ZNF385D: variants seen among roughly 807,000 people sequenced by gnomAD.
ZNF385D encodes zinc finger protein 385D.
ZNF385D carries 15 observed loss-of-function variants against 35.8 expected under a neutral mutation model. That is an observed-to-expected ratio of 0.42 (90% CI 0.28 to 0.64). The LOEUF is 0.64. ZNF385D is among the 30% of genes least tolerant of loss of function. ZNF385D has a pLI of 0.23. For missense variants in ZNF385D, 474 were observed against 494.6 expected, an observed-to-expected ratio of 0.96 and a Z score of 0.39; for synonymous variants, 212 against 186.8, an observed-to-expected ratio of 1.13 and a Z score of -1.10.
rs557339793 is a variant in ZNF385D at position 21,832,472 on chromosome 3, A to G, written c.326-167444T>C. On this transcript the variant is annotated intron_variant, in intron 3 of 5. Coordinates refer to the ZNF385D transcript ENST00000494108. ...AGCTAATAGGGTGTCATACATTCTCATGGATCAGCAAAGCAGGTGCTTCCT... is the reference window on the plus strand; with the variant it reads ...AGCTAATAGGGTGTCATACATTCTCGTGGATCAGCAAAGCAGGTGCTTCCT... Among the ~76,000 whole-genome samples the G allele has an allele frequency of 4.6e-5, 7 of 152,278 alleles. No individual in the cohort carries two copies. The South Asian group carries it at 8.3e-4, about 18-fold the overall frequency.
At chr3:22,128,667 C>T (rs972184643) in intron 3 of ZNF385D, among the ~76,000 whole-genome samples, 2 of 152,084 alleles carry the variant, frequency 1.3e-5, no homozygotes, top group African/African-American at 4.8e-5. Flanking sequence ...GACTCTGTTG[C>T]ATTCTTCAAT....
At chr3:21,661,548 A>C (rs563091886) in intron 2 of ZNF385D, among the ~76,000 whole-genome samples, 1 of 152,286 alleles carries the variant, frequency 6.6e-6, no homozygotes, top group South Asian at 2.1e-4. Context: ...CAAGAAATAC[A>C]AATTCAGAAG....
intron 3 of ZNF385D, among the ~76,000 whole-genome samples, chr3:21,530,106 C>T (rs1438251993): frequency 6.6e-6 from 1 of 152,100 alleles, no homozygotes; most frequent in East Asian, 1.9e-4. Flanking sequence ...CTCTCTCTCA[C>T]TTCCTCTCTT....
chr3:21,773,669 C>A (rs1318693815), intron 3 of ZNF385D, among the ~76,000 whole-genome samples: 1 of 151,680 alleles, frequency 6.6e-6, no homozygotes, highest in Non-Finnish European at 1.5e-5. Flanking sequence ...CATATGTTAA[C>A]AAGCCCACCA....
At chr3:22,030,057 G>C (rs1477506582) in intron 3 of ZNF385D, among the ~76,000 whole-genome samples, 6 of 151,008 alleles carry the variant, frequency 4.0e-5, no homozygotes, top group African/African-American at 1.5e-4. Flanking sequence ...AAAGCATGCA[G>C]AAAAAAACAT....
intron 2 of ZNF385D, among the ~76,000 whole-genome samples, chr3:21,571,440 A>G (rs1218502242): frequency 6.6e-6 from 1 of 152,206 alleles, no homozygotes; most frequent in African/African-American, 2.4e-5. Flanking sequence ...TGGATATAGT[A>G]GTCATTTATC....
intron 3 of ZNF385D, among the ~76,000 whole-genome samples, chr3:21,933,736 G>T (rs1289731222): frequency 6.6e-6 from 1 of 152,068 alleles, no homozygotes; most frequent in Non-Finnish European, 1.5e-5. Flanking sequence ...AAATCTTATT[G>T]AGAAAGTCAA....
intron 2 of ZNF385D, among the ~76,000 whole-genome samples, chr3:22,175,371 T>G (rs1385170428): frequency 6.6e-6 from 1 of 151,980 alleles, no homozygotes; most frequent in Non-Finnish European, 1.5e-5. Context: ...TAGATACTGC[T>G]TACTTGGAAT....
intron 2 of ZNF385D, among the ~76,000 whole-genome samples, chr3:22,350,795 A>G (rs1695881459): frequency 6.6e-6 from 1 of 152,126 alleles, no homozygotes; most frequent in Non-Finnish European, 1.5e-5. Context: ...GTGGCACTAA[A>G]ACCATAGCTA....
intron 3 of ZNF385D, among the ~76,000 whole-genome samples, chr3:21,757,477 A>T (rs971113162): frequency 6.6e-6 from 1 of 152,118 alleles, no homozygotes; most frequent in African/African-American, 2.4e-5. Flanking sequence ...TTCTAATTTG[A>T]TAGACAGCTA....
intron 2 of ZNF385D, among the ~76,000 whole-genome samples, chr3:22,277,404 A>T (rs986015512): frequency 6.6e-5 from 10 of 152,172 alleles, no homozygotes; most frequent in African/African-American, 2.4e-4. Flanking sequence ...CTAGAAAATC[A>T]TAAAGGCAAC....
chr3:21,720,724 G>C (rs979260212), intron 1 of ZNF385D, among the ~76,000 whole-genome samples: 9 of 152,294 alleles, frequency 5.9e-5, no homozygotes, highest in Admixed American at 4.6e-4. Context: ...TTTTCTTTCT[G>C]TGTAGCTATA....
chr3:21,963,383 G>A (rs17583756), intron 3 of ZNF385D, among the ~76,000 whole-genome samples: 2 of 152,178 alleles, frequency 1.3e-5, no homozygotes, highest in South Asian at 2.1e-4. Flanking sequence ...ACGTAGAACC[G>A]CAGTAGCGTG....
At chr3:21,990,085 T>C (rs1695067424) in intron 3 of ZNF385D, among the ~76,000 whole-genome samples, 1 of 152,216 alleles carries the variant, frequency 6.6e-6, no homozygotes, top group African/African-American at 2.4e-5. Flanking sequence ...TCTGCTATTG[T>C]TTCACAGGGC....
At chr3:21,464,570 T>C (rs1026686) in intron 4 of ZNF385D, among the ~76,000 whole-genome samples, 36,296 of 152,006 alleles carry the variant, frequency 0.24, 4,575 homozygotes, top group Middle Eastern at 0.37. Flanking sequence ...CAGTCAACTC[T>C]TCCTTAAATA....
At chr3:22,358,256 T>C (rs559741958) in intron 2 of ZNF385D, among the ~76,000 whole-genome samples, 37 of 152,032 alleles carry the variant, frequency 2.4e-4, no homozygotes, top group Middle Eastern at 3.4e-3. Flanking sequence ...GCATAGATAC[T>C]GCCCTTTCCA....
chr3:21,472,171 G>A (rs1223903834), intron 4 of ZNF385D, among the ~76,000 whole-genome samples: 1 of 152,092 alleles, frequency 6.6e-6, no homozygotes, highest in Non-Finnish European at 1.5e-5. Context: ...GTCAGAAGAT[G>A]ACAAAGGAAG....
At chr3:21,787,295 C>G (rs904563860) in intron 3 of ZNF385D, among the ~76,000 whole-genome samples, 11 of 152,112 alleles carry the variant, frequency 7.2e-5, no homozygotes, top group Admixed American at 1.3e-4. Flanking sequence ...TTCCCCTCCT[C>G]TCCTCTTTCT....
At chr3:21,532,574 A>G (rs150177742) in intron 3 of ZNF385D, among the ~76,000 whole-genome samples, 1 of 152,234 alleles carries the variant, frequency 6.6e-6, no homozygotes, top group Admixed American at 6.5e-5. Flanking sequence ...AAAAATAATT[A>G]AAAAGAAAAC....
Sources: gnomAD v4.1 joint callset for allele counts (sites outside exome capture counted in the v4.1 genomes callset) on GRCh38, gnomAD v4.1.1 for gene constraint, MANE v1.5 for transcripts, NCBI Gene and HGNC (gene_info 2026-07-23, HGNC 2026-07-21) for gene names.